KIF26B: variants seen among roughly 807,000 people sequenced by gnomAD.
KIF26B encodes the protein kinesin family member 26B, also known as kinesin-like protein KIF26B.
KIF26B carries 63 observed loss-of-function variants against 151.2 expected under a neutral mutation model. The observed-to-expected ratio is 0.42, with a 90% CI of 0.34 to 0.51. KIF26B has a LOEUF of 0.51. KIF26B is among the 20% of genes least tolerant of loss of function. The probability of loss-of-function intolerance (pLI) is 0.07; values close to 1 mark genes in which losing one functional copy is unlikely to be tolerated. For missense variants in KIF26B, 2,813 were observed against 2,913.6 expected (o/e 0.97, Z 0.79); for synonymous variants, 1,357 against 1,262.1 (o/e 1.08, Z -1.59).
At chr1:245,365,707 T>C (rs1393028015) in intron 2 of KIF26B, among the ~76,000 whole-genome samples, 1 of 152,100 alleles carries the variant, frequency 6.6e-6, no homozygotes, top group African/African-American at 2.4e-5. Flanking sequence ...GCCCTGTTCA[T>C]ATAGGCACAG....
At chr1:245,391,612 T>C (rs1288110656) in intron 3 of KIF26B, among the ~76,000 whole-genome samples, 1 of 145,196 alleles carries the variant, frequency 6.9e-6, no homozygotes, top group Non-Finnish European at 1.5e-5. Flanking sequence ...TCCAAGATCA[T>C]GCCACGGCAC....
intron 4 of KIF26B, among the ~76,000 whole-genome samples, chr1:245,460,429 C>G (rs181839612): frequency 6.6e-6 from 1 of 152,292 alleles, no homozygotes; most frequent in East Asian, 1.9e-4. Flanking sequence ...CCTTGTAACA[C>G]AGCCACCCCC....
rs535757084 is a variant in KIF26B, at chr1:245,590,110, G to T, written c.1351-12467G>T. Reference sequence around the variant, plus strand: ...ATTAACAATAAGCCGCCTCTGTGGCGGCTGGGCCCCGCGGGGTCGGGGGGT... The same window carrying T: ...ATTAACAATAAGCCGCCTCTGTGGCTGCTGGGCCCCGCGGGGTCGGGGGGT... On this transcript the variant is annotated intron_variant, in intron 5 of 14. Coordinates refer to ENST00000407071, the MANE Select transcript of KIF26B (RefSeq NM_018012.4). Among the ~76,000 whole-genome samples the T allele has an allele frequency of 5.9e-5, 9 of 152,100 alleles. No homozygotes were observed. The South Asian group carries it at 1.0e-3, about 18-fold the overall frequency.
Position 245,398,749 on chromosome 1 carries a change from A to T in KIF26B, c.1000-20830A>T, listed in dbSNP as rs565917044. On this transcript the variant is annotated intron_variant, in intron 3 of 14. Transcript: ENST00000407071. ...TATAAATTATAATTTTTATAAAATGATAGAATTCTAAAATAAAATTTTTAT... is the reference window on the plus strand; with the variant it reads ...TATAAATTATAATTTTTATAAAATGTTAGAATTCTAAAATAAAATTTTTAT... Among the ~76,000 whole-genome samples, 56 of 151,528 alleles carry T rather than the reference A, an allele frequency of 3.7e-4. 1 individual carries two copies. In the South Asian group the frequency reaches 0.011, roughly 29 times the overall value.
chr1:245,686,717 C>G lies in KIF26B; in HGVS notation c.3734C>G (p.Thr1245Arg), dbSNP rs201284411. The G allele has an allele frequency of 1.1e-5, 17 of 1,613,246 alleles. No homozygotes were observed. The African/African-American group carries it at 2.0e-4, about 19-fold the overall frequency. ...GAGGACCTGGAGTGCTACTCCAGCA[C>G]GGCCCCCGTCTCCGAGGTCAGCATC... ...ISEDLECYSSTAPVSEVSITQ... is the reference protein window; with the variant it reads ...ISEDLECYSSRAPVSEVSITQ... The change falls in exon 12 of 15, where the codon ACG becomes AGG. Residue 1245 changes from threonine (T) to arginine (R), a missense_variant. Physicochemically the swap from Thr to Arg is moderately conservative, Grantham distance 71. This residue lies in a region of KIF26B where 2,060 missense variants were observed against 2,088.6 expected (regional missense o/e 0.99). Coordinates refer to ENST00000407071, the MANE Select transcript of KIF26B (RefSeq NM_018012.4). This position sits in a 1 kb window ranked among gnomAD's most constrained non-coding sequence, Gnocchi z 5.6.
intron 4 of KIF26B, among the ~76,000 whole-genome samples, chr1:245,530,841 G>T (rs1002324930): frequency 6.6e-6 from 1 of 152,312 alleles, no homozygotes; most frequent in East Asian, 1.9e-4. Flanking sequence ...GTGAACCAAA[G>T]ATGGCTTTAG....
In KIF26B at chr1:245,167,875, A is replaced by C. The variant is rs903033496; in HGVS notation, c.465+11192A>C. On this transcript the variant is annotated intron_variant, in intron 2 of 14. Coordinates refer to ENST00000407071, the MANE Select transcript of KIF26B (RefSeq NM_018012.4). The surrounding 1 kb of genome is among the most constrained non-coding windows in gnomAD (Gnocchi z 4.2). ...AGGAGAGGAATAAGAGGGGAGGAGG[A>C]GGAGGACGGATGAGAGAGAGGGCGA... Among the ~76,000 whole-genome samples, 2 of 152,028 alleles carry C rather than the reference A, an allele frequency of 1.3e-5. No individual in the cohort carries two copies. The highest frequency in any genetic ancestry group is 4.8e-5 in the African/African-American group (2 of 41,398).
Position 245,156,500 on chromosome 1 carries a change from T to C in KIF26B, c.282T>C (p.Thr94=), listed in dbSNP as rs1189067573. 17 of 1,527,142 alleles carry C rather than the reference T, an allele frequency of 1.1e-5. 1 individual carries two copies. In the South Asian group the frequency reaches 1.3e-4, roughly 12 times the overall value. 94.6% of individuals were successfully genotyped at this position (1,527,142 alleles called of 1,614,324 possible). A position where few individuals can be genotyped will look rare whatever the true frequency, so the allele number is the denominator to read the frequency against. Residue 94 remains threonine, a synonymous_variant, in exon 2 of 15, where the codon ACT becomes ACC. Transcript: ENST00000407071. Reference sequence around the variant, plus strand: ...GACCCGCCTCCCCCGGCATCGGCACTAGTTCGCCGGGCTCCTTGGGCGGCT... The same window carrying C: ...GACCCGCCTCCCCCGGCATCGGCACCAGTTCGCCGGGCTCCTTGGGCGGCT... ...SPGPASPGIG[T]SSPGSLGGSP...
chr1:245,266,952 G>T (rs1347708508), intron 2 of KIF26B, among the ~76,000 whole-genome samples: 7 of 152,180 alleles, frequency 4.6e-5, no homozygotes, highest in Non-Finnish European at 8.8e-5. Context: ...ATTAACATGT[G>T]ACTGAAGGGC....
chr1:245,387,199 T>C (rs1673572349), intron 3 of KIF26B, among the ~76,000 whole-genome samples: 1 of 149,972 alleles, frequency 6.7e-6, no homozygotes, highest in Admixed American at 6.7e-5. Flanking sequence ...AGTTTCACTC[T>C]TGTCACCCAA....
Position 245,663,260 on chromosome 1 carries a change from A to G in KIF26B, c.2258+16980A>G, listed in dbSNP as rs531375111. 3.8e-5 allele frequency among the ~76,000 whole-genome samples: 5 copies of G among 131,382 alleles called. No homozygotes were observed. The South Asian group carries it at 1.1e-3, about 29-fold the overall frequency. 86.2% of individuals were successfully genotyped at this position (131,382 alleles called of 152,430 possible). On this transcript the variant is annotated intron_variant, in intron 10 of 14. Coordinates refer to ENST00000407071, the MANE Select transcript of KIF26B (RefSeq NM_018012.4). Reference sequence around the variant, plus strand: ...ACATGACTTTCCTCTGCTGCTTGTTACCCAGTATCAGAAACCCATTTTTTT... The same window carrying G: ...ACATGACTTTCCTCTGCTGCTTGTTGCCCAGTATCAGAAACCCATTTTTTT...
At chr1:245,696,578 C>T (rs1417632078) in intron 12 of KIF26B, among the ~76,000 whole-genome samples, 1 of 145,692 alleles carries the variant, frequency 6.9e-6, no homozygotes, top group African/African-American at 2.5e-5. Context: ...AGTTGAGGCA[C>T]ACAGAAGCTA....
Position 245,495,882 on chromosome 1 carries a change from A to G in KIF26B, c.1167-44885A>G, listed in dbSNP as rs1388829805. Among the ~76,000 whole-genome samples, 1 of 152,234 alleles carries G rather than the reference A, an allele frequency of 6.6e-6. No homozygotes were observed. The highest frequency in any genetic ancestry group is 1.5e-5 in the Non-Finnish European group (1 of 68,036). On this transcript the variant is annotated intron_variant, in intron 4 of 14. Transcript: ENST00000407071. This position sits in a 1 kb window ranked among gnomAD's most constrained non-coding sequence, Gnocchi z 4.2. The stretch of plus-strand genomic sequence containing the variant: ...CTAAGACAGTAACTCATTTCTCAAC[A>G]GAAACAATGGATGCCAAGAGACAAT...
At chr1:245,524,319 C>T (rs4658463) in intron 4 of KIF26B, among the ~76,000 whole-genome samples, 2 of 152,212 alleles carry the variant, frequency 1.3e-5, no homozygotes, top group African/African-American at 2.4e-5. Flanking sequence ...TTATTTTCAT[C>T]CACATCAAAG....
intron 4 of KIF26B, among the ~76,000 whole-genome samples, chr1:245,506,290 A>G (rs968879316): frequency 6.6e-5 from 10 of 152,140 alleles, no homozygotes; most frequent in Non-Finnish European, 1.5e-4. Flanking sequence ...CAGTCATGGA[A>G]TTTGATTCAT....
intron 10 of KIF26B, among the ~76,000 whole-genome samples, chr1:245,650,113 GAGACCACC>G (rs1301358702): frequency 6.6e-6 from 1 of 152,164 alleles, no homozygotes; most frequent in Non-Finnish European, 1.5e-5. Context: ...GGAAGGCAGG[GAGACCACC>G]AAGGGCTCCA....
At position 245,156,357 on chromosome 1, in the gene KIF26B, G is replaced by T; in HGVS notation, c.139G>T (p.Glu47Ter). 6.5e-7 allele frequency: 1 copy of T among 1,545,718 alleles called. No individual in the cohort carries two copies. Among genetic ancestry groups the T allele is most frequent in the Non-Finnish European group, 8.7e-7 (1 of 1,145,234 alleles). ...AAGCTGGTACCGGAAAGCATACGAG[G>T]AGTCGCGCGCCGGCAGCCGGCCCAC... ...PESWYRKAYEESRAGSRPTPE... is the reference protein window; with the variant it reads ...PESWYRKAYE The change falls in exon 2 of 15, where the codon GAG becomes TAG. Residue 47 changes from glutamate to a stop codon, truncating the protein, a stop_gained. Coordinates refer to ENST00000407071, the MANE Select transcript of KIF26B (RefSeq NM_018012.4). LOFTEE classifies it high-confidence loss of function.
At chr1:245,242,737 T>C (rs993423783) in intron 2 of KIF26B, among the ~76,000 whole-genome samples, 1 of 152,140 alleles carries the variant, frequency 6.6e-6, no homozygotes, top group Non-Finnish European at 1.5e-5. Context: ...CTGCATCCTC[T>C]GTCTCCCGGG....
chr1:245,649,900 G>A lies in KIF26B; in HGVS notation c.2258+3620G>A, dbSNP rs988611307. ...AGTTTGGATTCATTACCCATCCCAG[G>A]CATTCCCACAGGCACCCTCCATGTG... On this transcript the variant is annotated intron_variant, in intron 10 of 14. Coordinates refer to ENST00000407071, the MANE Select transcript of KIF26B (RefSeq NM_018012.4). 2.0e-5 allele frequency among the ~76,000 whole-genome samples: 3 copies of A among 152,300 alleles called. No homozygotes were observed. In the East Asian group the frequency reaches 5.8e-4, roughly 29 times the overall value.
Sources: gnomAD v4.1 joint callset for allele counts (sites outside exome capture counted in the v4.1 genomes callset) on GRCh38, gnomAD v4.1.1 for gene constraint, gnomAD v4.1.1 regional missense constraint, Gnocchi (gnomAD v3.1) non-coding constraint, MANE v1.5 for transcripts, NCBI Gene and HGNC (gene_info 2026-07-23, HGNC 2026-07-21) for gene names.